Variants in CGNL1 observed in about 807,000 individuals in gnomAD.
The protein encoded by CGNL1 is cingulin like 1.
In CGNL1, 132 loss-of-function variants were observed where a neutral mutation model predicts 141.2. That is an observed-to-expected ratio of 0.93 (90% confidence interval 0.81 to 1.08). The LOEUF is 1.08. Ranked by LOEUF, CGNL1 falls within the 50% of genes least tolerant of loss-of-function variation. The pLI is 0.00. For missense variants in CGNL1, 1,870 were observed against 1,588.6 expected (o/e 1.18, Z -3.01); for synonymous variants, 690 against 622.1 (o/e 1.11, Z -1.63).
At chr15:57,476,956 T>C (rs1204058845) in intron 8 of CGNL1, among the ~76,000 whole-genome samples, 2 of 152,234 alleles carry the variant, frequency 1.3e-5, no homozygotes, top group East Asian at 1.9e-4. Flanking sequence ...AACTTACAGA[T>C]GAAGGAGAGA....
Position 57,438,309 on chromosome 15 carries a change from C to A in CGNL1, c.310C>A (p.Pro104Thr). ...GGAGAACAGTGAAGAACTTCAGCTT[C>A]CAGAAAACCCATACGCCCAGCCTAG... ...PKENSEELQL[P>T]ENPYAQPSPI... The change falls in exon 2 of 19, where the codon CCA (proline) becomes ACA (threonine). Residue 104 changes from proline to threonine, a missense_variant. Coordinates refer to ENST00000281282, the MANE Select transcript of CGNL1 (RefSeq NM_032866.5). 6.2e-7 allele frequency: 1 copy of A among 1,614,152 alleles called. No homozygotes were observed. The highest frequency in any genetic ancestry group is 1.3e-5 in the African/African-American group (1 of 75,034).
chr15:57,516,528 G>T (rs1182969814), intron 8 of CGNL1, among the ~76,000 whole-genome samples: 1 of 152,212 alleles, frequency 6.6e-6, no homozygotes, highest in Non-Finnish European at 1.5e-5. Flanking sequence ...CGGCCCTGCT[G>T]TTGTAGCTTG....
chr15:57,470,256 CTT>C (rs60982599), intron 8 of CGNL1, among the ~76,000 whole-genome samples: 88 of 113,916 alleles, frequency 7.7e-4, no homozygotes, highest in Non-Finnish European at 7.3e-4. Context: ...TTTTGTCTCT[CTT>C]TTTTTTTTTT....
intron 7 of CGNL1, among the ~76,000 whole-genome samples, chr15:57,460,515 A>G (rs2063432306): frequency 6.6e-6 from 1 of 152,174 alleles, no homozygotes. Flanking sequence ...GAGACTGGGT[A>G]ATTTATAAAC....
rs569030660 is a variant in CGNL1 at position 57,550,687 on chromosome 15, C to T, written c.*3197C>T. On this transcript the variant is annotated 3_prime_UTR_variant, in exon 19 of 19. Coordinates refer to ENST00000281282, the MANE Select transcript of CGNL1 (RefSeq NM_032866.5). ...TGAATTCCTGGATAAAGCAAGATTT[C>T]CTTTCAATAAACGCTGTCACCCAAT... is the stretch of plus-strand genomic sequence containing the variant. 3.3e-5 allele frequency: 5 copies of T among 152,774 alleles called. No homozygotes were observed. The South Asian group carries it at 1.0e-3, about 32-fold the overall frequency. 9.5% of individuals were successfully genotyped at this position (152,774 alleles called of 1,614,324 possible). A position where few individuals can be genotyped will look rare whatever the true frequency, so the allele number is the denominator to read the frequency against.
intron 8 of CGNL1, among the ~76,000 whole-genome samples, chr15:57,488,113 A>G (rs972541742): frequency 1.3e-5 from 2 of 152,108 alleles, no homozygotes; most frequent in Admixed American, 6.6e-5. Context: ...GTGAAATGGT[A>G]TTTCATCGTG....
chr15:57,451,695 A>AT (rs1329416206), intron 5 of CGNL1, 94 bp downstream of exon 5: 26 of 827,762 alleles, frequency 3.1e-5, no homozygotes, highest in East Asian at 1.4e-4. Flanking sequence ...GTGAAAGCCA[A>AT]TTTTTTTTCC....
At chr15:57,420,285 T>A (rs1567106063) in intron 1 of CGNL1, among the ~76,000 whole-genome samples, 1 of 152,196 alleles carries the variant, frequency 6.6e-6, no homozygotes, top group Non-Finnish European at 1.5e-5. Flanking sequence ...TACTGTTGTT[T>A]CTAGGTGCTC....
chr15:57,482,261 A>G (rs1247000978), intron 8 of CGNL1, among the ~76,000 whole-genome samples: 3 of 152,188 alleles, frequency 2.0e-5, no homozygotes, highest in Non-Finnish European at 4.4e-5. Flanking sequence ...CTTTTTAACA[A>G]GGTCTTTGAA....
intron 1 of CGNL1, among the ~76,000 whole-genome samples, chr15:57,400,596 T>C (rs1262373231): frequency 6.6e-6 from 1 of 152,070 alleles, no homozygotes; most frequent in African/African-American, 2.4e-5. Context: ...AAACAATACA[T>C]GTTTGTGCGG....
intron 7 of CGNL1, among the ~76,000 whole-genome samples, chr15:57,459,809 A>G (rs1391705925): frequency 6.6e-6 from 1 of 152,170 alleles, no homozygotes; most frequent in African/African-American, 2.4e-5. Context: ...GCTTTTCACA[A>G]GAGCAAAGAA....
At chr15:57,427,312 T>G (rs1625950) in intron 1 of CGNL1, among the ~76,000 whole-genome samples, 1,537 of 152,356 alleles carry the variant, frequency 0.01, 25 homozygotes, top group African/African-American at 0.035. Flanking sequence ...CAGTGTTATC[T>G]TCCATGTTTT....
At chr15:57,541,532 G>T (rs966389398) in intron 14 of CGNL1, among the ~76,000 whole-genome samples, 12 of 152,214 alleles carry the variant, frequency 7.9e-5, no homozygotes, top group African/African-American at 2.4e-4. Context: ...CAGCAGAGTG[G>T]GAGCGGGCCT....
chr15:57,507,345 G>A (rs1466153115), intron 8 of CGNL1, among the ~76,000 whole-genome samples: 1 of 152,114 alleles, frequency 6.6e-6, no homozygotes, highest in Non-Finnish European at 1.5e-5. Context: ...CAAATATGAG[G>A]ATTTTATTGT....
chr15:57,455,111 C>T (rs2152326292), intron 7 of CGNL1, among the ~76,000 whole-genome samples: 1 of 152,198 alleles, frequency 6.6e-6, no homozygotes, highest in South Asian at 2.1e-4. Flanking sequence ...ATACTTTATG[C>T]TCTTTGTATT....
At chr15:57,503,982 T>G (rs1268296019) in intron 8 of CGNL1, among the ~76,000 whole-genome samples, 1 of 152,074 alleles carries the variant, frequency 6.6e-6, no homozygotes, top group Non-Finnish European at 1.5e-5. Flanking sequence ...TATTCACGGT[T>G]ATTGAGCAGC....
In CGNL1 at chr15:57,524,755, A is replaced by G. The variant is rs1347530712; in HGVS notation, c.3039+4A>G. On this transcript the variant is annotated splice_donor_region_variant and intron_variant, in intron 12 of 18. Coordinates refer to ENST00000281282, the MANE Select transcript of CGNL1 (RefSeq NM_032866.5). ...AGCCATGAAAATGCAGGATGAGGTA[A>G]TGCCTGGCCAGATAAGTTCTTCCTT... 1 of 1,613,564 alleles carries G rather than the reference A, an allele frequency of 6.2e-7. No homozygotes were observed. The highest frequency in any genetic ancestry group is 1.3e-5 in the African/African-American group (1 of 74,880).
intron 8 of CGNL1, among the ~76,000 whole-genome samples, chr15:57,474,766 A>G (rs2063630039): frequency 6.6e-6 from 1 of 152,236 alleles, no homozygotes; most frequent in African/African-American, 2.4e-5. Context: ...GGAGATAACT[A>G]GTCAATAGTG....
chr15:57,400,480 G>T (rs2062647663), intron 1 of CGNL1, among the ~76,000 whole-genome samples: 1 of 152,158 alleles, frequency 6.6e-6, no homozygotes, highest in African/African-American at 2.4e-5. Flanking sequence ...TGTGCTTGAG[G>T]CAGCTTGTTG....
Sources: allele counts gnomAD v4.1 joint callset (sites outside exome capture counted in the v4.1 genomes callset), GRCh38; gene constraint gnomAD v4.1.1; transcripts MANE v1.5; gene names NCBI Gene and HGNC (gene_info 2026-07-23, HGNC 2026-07-21).